Variants in SLC14A2 observed in about 807,000 individuals in gnomAD.
SLC14A2 encodes the protein urea transporter 2.
Under a neutral mutation model 104.6 loss-of-function variants are expected in SLC14A2, and 91 were observed. The observed-to-expected ratio is 0.87, with a 90% CI of 0.73 to 1.04. The LOEUF is 1.04. Ranked by LOEUF, SLC14A2 falls within the 50% of genes least tolerant of loss-of-function variation. The pLI, the probability that SLC14A2 is intolerant of heterozygous loss-of-function variation, is 0.00. For synonymous variants in SLC14A2, 476 were observed against 466.4 expected (o/e 1.02, Z -0.27); for missense variants, 1,189 against 1,156.0 (o/e 1.03, Z -0.41).
rs191555608 is a variant in SLC14A2 at position 45,428,073 on chromosome 18, T to C, written c.-124-55160T>C. Among the ~76,000 whole-genome samples, 93 of 152,320 alleles carry C rather than the reference T, an allele frequency of 6.1e-4. No homozygotes were observed. The Middle Eastern group carries it at 0.014, about 22-fold the overall frequency. ...CTTGGACTGAAGGCCACTCATTACA[T>C]GTAAGAAACTCACAAACTCACCCTC... On this transcript the variant is annotated intron_variant, in intron 1 of 20. Transcript: ENST00000586448.
chr18:45,380,005 G>A (rs548844473), intron 1 of SLC14A2, among the ~76,000 whole-genome samples: 1 of 152,158 alleles, frequency 6.6e-6, no homozygotes, highest in Non-Finnish European at 1.5e-5. Flanking sequence ...GGAATCATAT[G>A]ATTTGAAAAG....
At chr18:45,615,911 C>T (rs1240258527) in intron 1 of SLC14A2, among the ~76,000 whole-genome samples, 1 of 151,810 alleles carries the variant, frequency 6.6e-6, no homozygotes, top group Non-Finnish European at 1.5e-5. Context: ...CAAGCCAGAG[C>T]AGAGGTCACC....
At chr18:45,310,388 T>C (rs1165707074) in intron 1 of SLC14A2, among the ~76,000 whole-genome samples, 1 of 152,254 alleles carries the variant, frequency 6.6e-6, no homozygotes, top group Non-Finnish European at 1.5e-5. Flanking sequence ...ATGATCATCA[T>C]TGTTTTGGGC....
chr18:45,327,331 GTAAAATTTACATATAAA>G (rs2085245637), intron 1 of SLC14A2, among the ~76,000 whole-genome samples: 2 of 151,926 alleles, frequency 1.3e-5, no homozygotes, highest in Middle Eastern at 3.4e-3. Context: ...TGCTTTTTTG[GTAAAATTTACATATAAA>G]TTTTACCATT....
intron 19 of SLC14A2, among the ~76,000 whole-genome samples, chr18:45,680,041 A>G (rs1225374285): frequency 2.0e-5 from 3 of 152,210 alleles, no homozygotes; most frequent in Admixed American, 1.3e-4. Context: ...TACTGGATGA[A>G]TGAAGCCCTA....
At chr18:45,349,504 A>G (rs970129225) in intron 1 of SLC14A2, among the ~76,000 whole-genome samples, 2 of 152,156 alleles carry the variant, frequency 1.3e-5, no homozygotes, top group African/African-American at 2.4e-5. Context: ...ATATATGTCA[A>G]TGGGCTTCCT....
At chr18:45,292,569 G>T (rs1169013215) in intron 1 of SLC14A2, among the ~76,000 whole-genome samples, 1 of 152,174 alleles carries the variant, frequency 6.6e-6, no homozygotes, top group African/African-American at 2.4e-5. Context: ...GGTTGTGGGG[G>T]CAGTTGTACC....
chr18:45,414,137 C>A (rs1048533360), intron 1 of SLC14A2, among the ~76,000 whole-genome samples: 1 of 152,128 alleles, frequency 6.6e-6, no homozygotes, highest in African/African-American at 2.4e-5. Flanking sequence ...GCAAATGGAG[C>A]AAGTCAGTCT....
In SLC14A2 at chr18:45,627,130, C is replaced by A. The variant is rs147874580; in HGVS notation, c.504C>A (p.Leu168=). ...LGTVVSTLTA[L]ALGQDRSAIA... ...CAGTGGTCTCGACCTTAACAGCTCTCGCCTTGGGCCAAGACAGGTGGGTCC... is the reference window on the plus strand; with the variant it reads ...CAGTGGTCTCGACCTTAACAGCTCTAGCCTTGGGCCAAGACAGGTGGGTCC... Residue 168 remains leucine, a synonymous_variant, in exon 4 of 20, where the codon CTC becomes CTA. Coordinates refer to ENST00000255226, the MANE Select transcript of SLC14A2 (RefSeq NM_007163.4). 1.3e-4 allele frequency: 203 copies of A among 1,613,978 alleles called. No individual in the cohort carries two copies. Among genetic ancestry groups the A allele is most frequent in the Non-Finnish European group, 1.6e-4 (188 of 1,179,984 alleles).
chr18:45,369,530 C>T (rs2085700527), intron 1 of SLC14A2, among the ~76,000 whole-genome samples: 1 of 152,112 alleles, frequency 6.6e-6, no homozygotes, highest in Admixed American at 6.6e-5. Flanking sequence ...ACTGAAGAAT[C>T]GTGTTCCAAC....
chr18:45,489,120 C>A (rs543298290), intron 2 of SLC14A2, among the ~76,000 whole-genome samples: 1 of 152,334 alleles, frequency 6.6e-6, no homozygotes, highest in South Asian at 2.1e-4. Context: ...ACATCATTGC[C>A]TTTCTGTAAG....
At chr18:45,277,596 A>G (rs929898050) in intron 1 of SLC14A2, among the ~76,000 whole-genome samples, 2 of 152,106 alleles carry the variant, frequency 1.3e-5, no homozygotes, top group Non-Finnish European at 2.9e-5. Flanking sequence ...TTTTGTAGAG[A>G]CAGGGTCTTG....
intron 1 of SLC14A2, among the ~76,000 whole-genome samples, chr18:45,288,794 A>C (rs927982751): frequency 2.6e-5 from 4 of 152,218 alleles, no homozygotes; most frequent in Non-Finnish European, 4.4e-5. Context: ...TGCCATGCCC[A>C]GTCCCCGCCT....
chr18:45,610,547 C>T (rs2044956122), upstream of SLC14A2, among the ~76,000 whole-genome samples: 2 of 152,140 alleles, frequency 1.3e-5, no homozygotes, highest in Admixed American at 1.3e-4. Flanking sequence ...GGAGTGTTCA[C>T]ATCCACTGAA....
intron 1 of SLC14A2, among the ~76,000 whole-genome samples, chr18:45,406,375 G>T (rs908630565): frequency 1.3e-5 from 2 of 152,110 alleles, no homozygotes; most frequent in African/African-American, 4.8e-5. Context: ...TCTAATTCTA[G>T]TTCTGTTACA....
intron 1 of SLC14A2, among the ~76,000 whole-genome samples, chr18:45,426,440 A>G (rs957359015): frequency 6.6e-6 from 1 of 151,528 alleles, no homozygotes; most frequent in Non-Finnish European, 1.5e-5. Context: ...TTAACTAGTC[A>G]TATGGTACCT....
At chr18:45,491,907 A>G (rs2043009113) in intron 2 of SLC14A2, among the ~76,000 whole-genome samples, 1 of 152,230 alleles carries the variant, frequency 6.6e-6, no homozygotes, top group South Asian at 2.1e-4. Context: ...AGAGCTAGGA[A>G]TGGGGTTTAG....
chr18:45,678,489 C>T (rs897637780), intron 18 of SLC14A2, among the ~76,000 whole-genome samples: 1 of 151,764 alleles, frequency 6.6e-6, no homozygotes, highest in Non-Finnish European at 1.5e-5. Context: ...TTCCCAGTGG[C>T]CAGCCTCGTC....
At chr18:45,287,254 C>A (rs2084823840) in intron 1 of SLC14A2, among the ~76,000 whole-genome samples, 1 of 152,208 alleles carries the variant, frequency 6.6e-6, no homozygotes, top group Non-Finnish European at 1.5e-5. Flanking sequence ...GAGGGATTAC[C>A]TGCTAGCATT....
Sources: gnomAD v4.1 joint callset for allele counts (sites outside exome capture counted in the v4.1 genomes callset) on GRCh38, gnomAD v4.1.1 for gene constraint, MANE v1.5 for transcripts, NCBI Gene and HGNC (gene_info 2026-07-23, HGNC 2026-07-21) for gene names.